GBF1: variants seen among roughly 807,000 people sequenced by gnomAD.
The protein encoded by GBF1 is Golgi-specific brefeldin A-resistance guanine nucleotide exchange factor 1.
In GBF1, 114 loss-of-function variants were observed where a neutral mutation model predicts 210.5. The ratio of observed to expected loss-of-function variants is 0.54; its 90% CI spans 0.47 to 0.63. The LOEUF (loss-of-function observed/expected upper bound fraction) is 0.63, where lower values mean the gene tolerates loss of function less well. GBF1 is among the 30% of genes least tolerant of loss of function. The pLI, the probability that GBF1 is intolerant of heterozygous loss-of-function variation, is 0.00. For synonymous variants in GBF1, 850 were observed against 889.2 expected, an observed-to-expected ratio of 0.96 and a Z score of 0.78; for missense variants, 1,851 against 2,357.7, an observed-to-expected ratio of 0.79 and a Z score of 4.45.
At chr10:102,279,082 T>C (rs976980264) in intron 3 of GBF1, among the ~76,000 whole-genome samples, 1 of 152,250 alleles carries the variant, frequency 6.6e-6, no homozygotes, top group Admixed American at 6.5e-5. Context: ...AAAATACTTG[T>C]TCTTAGGTGG....
chr10:102,360,119 G>A, intron 11 of GBF1, 65 bp from the exon 12 acceptor site: 4 of 1,020,042 alleles, frequency 3.9e-6, no homozygotes, highest in Non-Finnish European at 6.3e-6. Context: ...ATGCAGAGCA[G>A]GCTAGGCAAA....
At chr10:102,231,134 G>T in the GBF1 span, 4 of 1,487,726 alleles carry the variant, frequency 2.7e-6, 1 homozygote, top group South Asian at 4.1e-5. Flanking sequence ...GTCAGGGCCC[G>T]GGGCCGGGTC....
At chr10:102,356,644 G>A (rs2059306752) in intron 8 of GBF1, among the ~76,000 whole-genome samples, 1 of 151,992 alleles carries the variant, frequency 6.6e-6, no homozygotes, top group South Asian at 2.1e-4. Context: ...GCGGGCGCCT[G>A]TAGTCCCAGC....
intron 3 of GBF1, among the ~76,000 whole-genome samples, chr10:102,338,699 C>A (rs2057950257): frequency 6.6e-6 from 1 of 151,988 alleles, no homozygotes; most frequent in South Asian, 2.1e-4. Flanking sequence ...GTAATCCCAG[C>A]ACTTTGGTAG....
At chr10:102,256,891 T>G (rs2072468969) in intron 1 of GBF1, among the ~76,000 whole-genome samples, 1 of 152,074 alleles carries the variant, frequency 6.6e-6, no homozygotes, top group African/African-American at 2.4e-5. Context: ...GTACAAAAAT[T>G]AGTTGGGTTG....
Position 102,362,851 on chromosome 10 carries a change from T to C in GBF1, c.1876+187T>C, listed in dbSNP as rs527691043. ...TAGAACTCATAGCCTTCTCCCTTTT[T>C]CCTCCTCCCCACTTTGGTTTTTTAC... On this transcript the variant is annotated intron_variant, in intron 15 of 39. Coordinates refer to ENST00000369983, the MANE Select transcript of GBF1 (RefSeq NM_001377137.1). Among the ~76,000 whole-genome samples the C allele has an allele frequency of 2.6e-4, 40 of 152,344 alleles. 1 individual carries two copies. In the East Asian group the frequency reaches 6.2e-3, roughly 24 times the overall value.
At chr10:102,381,660 C>CA (rs893459087) in intron 39 of GBF1, among the ~76,000 whole-genome samples, 14 of 151,144 alleles carry the variant, frequency 9.3e-5, no homozygotes, top group African/African-American at 2.2e-4. Context: ...CCGCCTGTAC[C>CA]AAAAAAATAT....
intron 10 of GBF1, chr10:102,359,034 C>T: frequency 1.7e-6 from 1 of 591,554 alleles, no homozygotes; most frequent in Non-Finnish European, 3.0e-6. Flanking sequence ...GTGAGAGGCT[C>T]TGTGTCTCTA....
intron 6 of GBF1, among the ~76,000 whole-genome samples, chr10:102,352,250 C>T (rs571895677): frequency 7.9e-5 from 12 of 152,310 alleles, no homozygotes; most frequent in Admixed American, 7.2e-4. Flanking sequence ...CCCTAGAACA[C>T]ATCTATACCT....
At chr10:102,278,560 G>T (rs2075205505) in intron 3 of GBF1, among the ~76,000 whole-genome samples, 1 of 152,144 alleles carries the variant, frequency 6.6e-6, no homozygotes, top group East Asian at 1.9e-4. Flanking sequence ...TTTGATACAT[G>T]AGTACAATGT....
Position 102,377,138 on chromosome 10 carries a change from G to T in GBF1, c.4492G>T (p.Asp1498Tyr). The T allele has an allele frequency of 6.2e-7, 1 of 1,612,196 alleles. No homozygotes were observed. Among genetic ancestry groups the T allele is most frequent in the Non-Finnish European group, 8.5e-7 (1 of 1,178,442 alleles). ...YHTVSLQVSQ[D>Y]LLDLMHTLHT... ...TACGGTGTCTTTACAGGTCAGTCAG[G>T]ACGTAAGTATGGCACCCTTTACTTC... Residue 1498 changes from aspartate to tyrosine, a missense_variant and splice_region_variant, in exon 33 of 40, where the codon GAC becomes TAC. By Grantham distance (160) the Asp-to-Tyr change is radical. This residue lies in a region of GBF1 where 967 missense variants were observed against 1,247.7 expected (regional missense o/e 0.78). Transcript: ENST00000369983.
At chr10:102,369,091 TG>T in intron 23 of GBF1, 119 bp from the exon 24 acceptor site, 1 of 758,096 alleles carries the variant, frequency 1.3e-6, no homozygotes. Flanking sequence ...ACCAGTATTA[TG>T]GGGGATTGAA....
intron 1 of GBF1, among the ~76,000 whole-genome samples, chr10:102,257,416 C>T (rs1165751945): frequency 6.6e-6 from 1 of 152,134 alleles, no homozygotes; most frequent in Non-Finnish European, 1.5e-5. Context: ...TCAAGTGATC[C>T]TCCCGCCTCA....
intron 3 of GBF1, among the ~76,000 whole-genome samples, chr10:102,313,856 A>G (rs147650971): frequency 5.9e-5 from 9 of 152,274 alleles, no homozygotes; most frequent in Non-Finnish European, 1.0e-4. Context: ...TTGGGACACA[A>G]TTGCAGGCTG....
intron 3 of GBF1, among the ~76,000 whole-genome samples, chr10:102,281,590 T>C (rs1450859492): frequency 6.7e-6 from 1 of 149,500 alleles, no homozygotes; most frequent in Non-Finnish European, 1.5e-5. Context: ...TGTTATATTA[T>C]AACTTAGACT....
chr10:102,296,586 G>T (rs1030091046), intron 3 of GBF1, among the ~76,000 whole-genome samples: 1 of 152,026 alleles, frequency 6.6e-6, no homozygotes, highest in Non-Finnish European at 1.5e-5. Context: ...CTACTAAAAA[G>T]ACAAAATTAG....
Position 102,381,179 on chromosome 10 carries a change from G to T in GBF1, c.5226G>T (p.Leu1742=). Residue 1742 remains leucine, a synonymous_variant, in exon 39 of 40, where the codon CTG becomes CTT. Transcript: ENST00000369983. ...AAAAGCCTCTCGCCTCAGCCCACCT[G>T]ACTTCCGCTGCTGGCGACACTAGGA... The part of the protein sequence containing the change: ...QGQKPLASAH[L]TSAAGDTRTP... 1 of 1,613,930 alleles carries T rather than the reference G, an allele frequency of 6.2e-7. No individual in the cohort carries two copies. The highest frequency in any genetic ancestry group is 1.1e-5 in the South Asian group (1 of 91,060).
chr10:102,257,690 C>G (rs2072598900), intron 1 of GBF1, among the ~76,000 whole-genome samples: 1 of 152,112 alleles, frequency 6.6e-6, no homozygotes, highest in South Asian at 2.1e-4. Flanking sequence ...TTATTCTTTT[C>G]TTTAACTTGA....
chr10:102,293,416 T>C (rs2076601786), intron 3 of GBF1, among the ~76,000 whole-genome samples: 1 of 152,178 alleles, frequency 6.6e-6, no homozygotes, highest in Non-Finnish European at 1.5e-5. Flanking sequence ...ATTTCATATA[T>C]TATATATCAT....
Sources: gnomAD v4.1 joint callset for allele counts (sites outside exome capture counted in the v4.1 genomes callset) on GRCh38, gnomAD v4.1.1 for gene constraint, gnomAD v4.1.1 regional missense constraint, MANE v1.5 for transcripts, NCBI Gene and HGNC (gene_info 2026-07-23, HGNC 2026-07-21) for gene names.